Variants in UBE2A observed in about 807,000 individuals in gnomAD.
UBE2A encodes the protein ubiquitin conjugating enzyme E2 A.
For synonymous variants in UBE2A, 39 were observed against 41.1 expected, an observed-to-expected ratio of 0.95 and a Z score of 0.20; for missense variants, 27 against 125.8, an observed-to-expected ratio of 0.21 and a Z score of 3.76.
At chrX:119,582,959 A>AT in intron 5 of UBE2A, among the ~76,000 whole-genome samples, 168 bp from the exon 6 acceptor site, 1 of 110,538 alleles carries the variant, frequency 9.0e-6, no homozygotes. Flanking sequence ...TAAAAAAAAA[A>AT]AAAGCCGCAT....
At chrX:119,579,002 T>C (rs2053435063) in intron 3 of UBE2A, among the ~76,000 whole-genome samples, 1 of 111,848 alleles carries the variant, frequency 8.9e-6, no homozygotes, top group Non-Finnish European at 1.9e-5. Context: ...CCCTTAACAT[T>C]TGTTTTAGAG....
chrX:119,575,642 G>A (rs2053411701), intron 3 of UBE2A: 1 of 398,389 alleles, frequency 2.5e-6, no homozygotes, highest in African/African-American at 2.5e-5. Context: ...CTTTTTAAAA[G>A]GAGCAATCAT....
At position 119,583,583 on chromosome X, in the gene UBE2A, G is replaced by A. The variant is rs1230679854; in HGVS notation, c.*328G>A. On this transcript the variant is annotated 3_prime_UTR_variant, in exon 6 of 6. Transcript: ENST00000371558. ...TAAGATGAATTGTTATACAAGAGGT[G>A]CTTATGCTTAGCTTGATGACCAGGA... is the stretch of plus-strand genomic sequence containing the variant. 2.9e-5 allele frequency: 7 copies of A among 240,053 alleles called. No individual in the cohort carries two copies. The highest frequency in any genetic ancestry group is 1.3e-4 in the Admixed American group (2 of 15,961). 19.8% of individuals were successfully genotyped at this position (240,053 alleles called of 1,213,427 possible). A position where few individuals can be genotyped will look rare whatever the true frequency, so the allele number is the denominator to read the frequency against.
In UBE2A at chrX:119,574,574, C is replaced by T. The variant is rs1235148132; in HGVS notation, c.-138C>T. ...GCTTAGCCGGCGCCAGACCGACCCT[C>T]GACTTCGGAGAGGCAGCGCGGTTCC... is the stretch of plus-strand genomic sequence containing the variant. On this transcript the variant is annotated 5_prime_UTR_variant, in exon 1 of 6. Transcript: ENST00000371558. The T allele has an allele frequency of 4.5e-6, 4 of 880,411 alleles. No homozygotes were observed. The highest frequency in any genetic ancestry group is 6.4e-6 in the Non-Finnish European group (4 of 620,704). The allele number at this position is 880,411 out of a possible 1,213,427, so 72.6% of individuals were successfully genotyped here.
chrX:119,583,629 T>G lies in UBE2A; in HGVS notation c.*374T>G, dbSNP rs2053467112. ...CAGGATGTTATTTTTAACAAAATGA[T>G]TGCTGAAGTGTTTCATCCTGGCTGG... On this transcript the variant is annotated 3_prime_UTR_variant, in exon 6 of 6. Coordinates refer to ENST00000371558, the MANE Select transcript of UBE2A (RefSeq NM_003336.4). The G allele has an allele frequency of 5.0e-6, 1 of 198,374 alleles. No homozygotes were observed. The highest frequency in any genetic ancestry group is 3.0e-5 in the African/African-American group (1 of 33,601). 16.3% of individuals were successfully genotyped at this position (198,374 alleles called of 1,213,427 possible).
At chrX:119,578,071 A>G (rs929556163) in intron 3 of UBE2A, among the ~76,000 whole-genome samples, 1 of 111,865 alleles carries the variant, frequency 8.9e-6, no homozygotes, top group Admixed American at 9.5e-5. Flanking sequence ...AAGAACCCCA[A>G]AACTACTTTT....
At position 119,574,579 on chromosome X, in the gene UBE2A, T is replaced by A. The variant is rs943805227; in HGVS notation, c.-133T>A. 1.3e-5 allele frequency: 12 copies of A among 913,353 alleles called. No homozygotes were observed. Among genetic ancestry groups the A allele is most frequent in the Admixed American group, 2.6e-5 (1 of 38,462 alleles). 75.3% of individuals were successfully genotyped at this position (913,353 alleles called of 1,213,427 possible). On this transcript the variant is annotated 5_prime_UTR_variant, in exon 1 of 6. Coordinates refer to ENST00000371558, the MANE Select transcript of UBE2A (RefSeq NM_003336.4). ...GCCGGCGCCAGACCGACCCTCGACT[T>A]CGGAGAGGCAGCGCGGTTCCTCTGG...
intron 3 of UBE2A, among the ~76,000 whole-genome samples, chrX:119,576,436 A>T (rs1176004712): frequency 1.8e-5 from 2 of 110,914 alleles, no homozygotes; most frequent in Admixed American, 9.6e-5. Context: ...TTGAGGTTTT[A>T]AAAAAAAGGA....
chrX:119,582,960 A>G (rs1004265717), intron 5 of UBE2A, among the ~76,000 whole-genome samples, 167 bp from the exon 6 acceptor site: 7 of 110,437 alleles, frequency 6.3e-5, no homozygotes, highest in African/African-American at 1.6e-4. Context: ...AAAAAAAAAA[A>G]AAGCCGCATA....
At chrX:119,581,626 AACT>A in intron 4 of UBE2A, 30 bp downstream of exon 4, 1 of 1,054,227 alleles carries the variant, frequency 9.5e-7, no homozygotes, top group Non-Finnish European at 1.3e-6. Context: ...CAGTGTTTTA[AACT>A]ACTATAGTGT....
Position 119,575,403 on chromosome X carries a change from AAG to A in UBE2A, c.151+10_151+11del, listed in dbSNP as rs1569405531. 1 of 1,211,407 alleles carries A rather than the reference AAG, an allele frequency of 8.3e-7. No individual in the cohort carries two copies. Among genetic ancestry groups the A allele is most frequent in the Non-Finnish European group, 1.1e-6 (1 of 895,375 alleles). ...TGAAGGGACCCCGTTTGAGGATGGT[AAG>A]AGAGAGTTTCTTTACCCACTTTTCA... is the stretch of plus-strand genomic sequence containing the variant. On this transcript the variant is annotated splice_donor_5th_base_variant and intron_variant, in intron 3 of 5. Coordinates refer to ENST00000371558, the MANE Select transcript of UBE2A (RefSeq NM_003336.4).
chrX:119,576,303 C>CA (rs2053415548), intron 3 of UBE2A, among the ~76,000 whole-genome samples: 1 of 111,379 alleles, frequency 9.0e-6, no homozygotes, highest in African/African-American at 3.3e-5. Context: ...TAGACCCTAT[C>CA]ACAACCGGAA....
chrX:119,579,984 C>T lies in UBE2A; in HGVS notation c.152-1523C>T, dbSNP rs192803697. On this transcript the variant is annotated intron_variant, in intron 3 of 5. Transcript: ENST00000371558. ...TAAATACTGAAAAGGAAGAACTGTG[C>T]TTTCTTCCTCAGAAAGAGGAAGATT... 2.0e-3 allele frequency among the ~76,000 whole-genome samples: 227 copies of T among 111,833 alleles called. 2 individuals carry two copies. Among genetic ancestry groups the T allele is most frequent in the African/African-American group, 7.0e-3 (217 of 30,852 alleles).
At chrX:119,577,635 C>CTTTTTTTTT (rs11380086) in intron 3 of UBE2A, among the ~76,000 whole-genome samples, 6 of 56,790 alleles carry the variant, frequency 1.1e-4, no homozygotes, top group Non-Finnish European at 1.8e-4. Context: ...AAAATTTTAG[C>CTTTTTTTTT]TTTTTTTTTT....
rs1603308029 is a variant in UBE2A, at chrX:119,574,568, G to A, written c.-144G>A. 1 of 825,977 alleles carries A rather than the reference G, an allele frequency of 1.2e-6. No individual in the cohort carries two copies. The highest frequency in any genetic ancestry group is 1.7e-6 in the Non-Finnish European group (1 of 571,635). 68.1% of individuals were successfully genotyped at this position (825,977 alleles called of 1,213,427 possible). A position where few individuals can be genotyped will look rare whatever the true frequency, so the allele number is the denominator to read the frequency against. On this transcript the variant is annotated 5_prime_UTR_variant, in exon 1 of 6. Transcript: ENST00000371558. ...GGTGGTGCTTAGCCGGCGCCAGACC[G>A]ACCCTCGACTTCGGAGAGGCAGCGC... is the stretch of plus-strand genomic sequence containing the variant.
intron 3 of UBE2A, among the ~76,000 whole-genome samples, chrX:119,579,768 GT>G (rs2053439439): frequency 9.0e-6 from 1 of 111,708 alleles, no homozygotes; most frequent in Admixed American, 9.5e-5. Context: ...TTTAGTGATG[GT>G]TTTGAAGTAG....
At chrX:119,580,901 TACCTTATGA>T (rs1344706600) in intron 3 of UBE2A, 119 of 112,293 alleles carry the variant, frequency 1.1e-3, no homozygotes, top group Middle Eastern at 4.6e-3. Context: ...TATAGTGAAG[TACCTTATGA>T]GCCATACTTA....
At chrX:119,575,037 C>G (rs2053405365) in intron 2 of UBE2A, 56 bp downstream of exon 2, 3 of 1,184,315 alleles carry the variant, frequency 2.5e-6, no homozygotes, top group Admixed American at 4.3e-5. Flanking sequence ...CAGCTTCGGT[C>G]TGCGCTCCGG....
In UBE2A at chrX:119,584,358, G is replaced by C. The variant is rs1261713136; in HGVS notation, c.*1103G>C. ...CACTTCCAAATCTAACTTTGCACAA[G>C]TAACCCATGTAAAAAAAAATGTACA... On this transcript the variant is annotated 3_prime_UTR_variant, in exon 6 of 6. Transcript: ENST00000371558. 6.5e-5 allele frequency: 7 copies of C among 107,783 alleles called. No individual in the cohort carries two copies. The highest frequency in any genetic ancestry group is 2.4e-4 in the African/African-American group (7 of 29,459). The allele number at this position is 107,783 out of a possible 1,213,427, so 8.9% of individuals were successfully genotyped here.
Sources: allele counts gnomAD v4.1 joint callset (sites outside exome capture counted in the v4.1 genomes callset), GRCh38; gene constraint gnomAD v4.1.1; transcripts MANE v1.5; gene names NCBI Gene and HGNC (gene_info 2026-07-23, HGNC 2026-07-21).